ZNF85: variants seen among roughly 807,000 people sequenced by gnomAD.
The protein encoded by ZNF85 is zinc finger protein 85, also known as zinc finger protein 85 (HPF4, HTF1).
ZNF85 carries 50 observed loss-of-function variants against 53.9 expected under a neutral mutation model. The observed-to-expected ratio is 0.93, with a 90% CI of 0.74 to 1.17. The LOEUF (loss-of-function observed/expected upper bound fraction) is 1.17, where lower values mean the gene tolerates loss of function less well. Ranked by LOEUF, ZNF85 falls within the 50% of genes most tolerant of loss-of-function variation. ZNF85 has a pLI of 0.00. For synonymous variants in ZNF85, 225 were observed against 226.1 expected (o/e 1.00, Z 0.04); for missense variants, 747 against 688.5 (o/e 1.08, Z -0.95).
intron 1 of ZNF85, among the ~76,000 whole-genome samples, chr19:20,933,125 G>A (rs1240960201): frequency 4.6e-5 from 7 of 151,380 alleles, no homozygotes; most frequent in African/African-American, 1.7e-4. Flanking sequence ...CCCAGGAGGC[G>A]GAGCTTGCAG....
At chr19:20,926,030 G>A (rs1972872627) in intron 1 of ZNF85, among the ~76,000 whole-genome samples, 1 of 152,098 alleles carries the variant, frequency 6.6e-6, no homozygotes, top group South Asian at 2.1e-4. Context: ...AATTTTCTCA[G>A]GTGTGCTTAT....
In ZNF85 at chr19:20,923,281, A is replaced by T. The variant is rs1972797331; in HGVS notation, c.-120A>T. On this transcript the variant is annotated 5_prime_UTR_variant, in exon 1 of 4. Transcript: ENST00000328178. ...TGTCTCTCGCTGCAGCCTGAGCTCTAGGTCTTGTTTTCCCTGCTTTGTGTT... is the reference window on the plus strand; with the variant it reads ...TGTCTCTCGCTGCAGCCTGAGCTCTTGGTCTTGTTTTCCCTGCTTTGTGTT... 1 of 1,502,866 alleles carries T rather than the reference A, an allele frequency of 6.7e-7. No homozygotes were observed. Among genetic ancestry groups the T allele is most frequent in the Non-Finnish European group, 9.2e-7 (1 of 1,086,406 alleles). 93.1% of individuals were successfully genotyped at this position (1,502,866 alleles called of 1,614,324 possible). A position where few individuals can be genotyped will look rare whatever the true frequency, so the allele number is the denominator to read the frequency against.
At position 20,950,052 on chromosome 19, in the gene ZNF85, A is replaced by C. The variant is rs111503061; in HGVS notation, c.1538A>C (p.Glu513Ala). The C allele has an allele frequency of 8.1e-6, 13 of 1,613,268 alleles. No homozygotes were observed. In the African/African-American group the frequency reaches 1.6e-4, roughly 20 times the overall value. The stretch of plus-strand genomic sequence containing the variant: ...ACTGGAGAGAAACCATACAAATGTG[A>C]AGAATGTGGCAAAGCTTTTAACCAA... ...IHTGEKPYKC[E>A]ECGKAFNQSS... Residue 513 changes from glutamate (E) to alanine (A), a missense_variant, in exon 4 of 4, where the codon GAA (glutamate) becomes GCA (alanine). Physicochemically the swap from Glu to Ala is moderately radical, Grantham distance 107. Transcript: ENST00000328178.
chr19:20,923,330 CTG>C lies in ZNF85; in HGVS notation c.-68_-67del, dbSNP rs2144588316. The stretch of plus-strand genomic sequence containing the variant: ...TTTTCTGCTCGTGGACGCCCAGCCT[CTG>C]TGGCCCTGTGGCCTGCAGGTATTGG... On this transcript the variant is annotated 5_prime_UTR_variant, in exon 1 of 4. Transcript: ENST00000328178. 5 of 1,611,708 alleles carry C rather than the reference CTG, an allele frequency of 3.1e-6. No individual in the cohort carries two copies. The highest frequency in any genetic ancestry group is 4.2e-6 in the Non-Finnish European group (5 of 1,178,140).
At chr19:20,941,251 TTTTGTG>T (rs1233711212) in intron 3 of ZNF85, among the ~76,000 whole-genome samples, 17 of 152,266 alleles carry the variant, frequency 1.1e-4, no homozygotes, top group African/African-American at 4.1e-4. Context: ...AAATTAGTAA[TTTTGTG>T]TTTCCTTTCT....
In ZNF85 at chr19:20,949,930, TA is replaced by T; in HGVS notation, c.1418del (p.Lys473ArgfsTer30). 6.2e-7 allele frequency: 1 copy of T among 1,612,280 alleles called. No homozygotes were observed. The highest frequency in any genetic ancestry group is 8.5e-7 in the Non-Finnish European group (1 of 1,179,154). On this transcript the variant is annotated frameshift_variant, in exon 4 of 4. Transcript: ENST00000328178. LOFTEE classifies it high-confidence loss of function. ...ACCAGTCCTCAAATCTTACTAGACA[TA>T]AGAAAAGTCATACAGAAGAGAAACC... is the stretch of plus-strand genomic sequence containing the variant. Reference protein sequence around the residue: ...FNQSSNLTRHKKSHTEEKPYK... With the variant: ...FNQSSNLTRHXKSHTEEKPYK...
intron 3 of ZNF85, chr19:20,942,858 C>A (rs1334921681): frequency 1.4e-6 from 1 of 698,182 alleles, no homozygotes; most frequent in South Asian, 1.5e-5. Context: ...CCACTGCAGC[C>A]TCAACCTTCT....
At chr19:20,938,277 A>G (rs113192815) in intron 3 of ZNF85, among the ~76,000 whole-genome samples, 1,813 of 152,250 alleles carry the variant, frequency 0.012, 33 homozygotes, top group African/African-American at 0.034. Context: ...ACCATGTTGG[A>G]TAAGCTGATC....
At chr19:20,936,124 C>T (rs909463289) in intron 3 of ZNF85, among the ~76,000 whole-genome samples, 1 of 128,932 alleles carries the variant, frequency 7.8e-6, no homozygotes, top group African/African-American at 2.9e-5. Flanking sequence ...ATATGGAACC[C>T]TAATTTATAC....
At chr19:20,942,175 T>C (rs1254179992) in intron 3 of ZNF85, among the ~76,000 whole-genome samples, 1 of 151,728 alleles carries the variant, frequency 6.6e-6, no homozygotes, top group Non-Finnish European at 1.5e-5. Context: ...ATTAATTTTT[T>C]TTTTTTCCTG....
intron 3 of ZNF85, chr19:20,943,565 T>A (rs1485041454): frequency 1.3e-5 from 2 of 152,214 alleles, no homozygotes; most frequent in African/African-American, 4.8e-5. Flanking sequence ...GCCTTTTTAT[T>A]TATAAATTAT....
At position 20,949,898 on chromosome 19, in the gene ZNF85, G is replaced by C. The variant is rs567190520; in HGVS notation, c.1384G>C (p.Ala462Pro). 6.2e-7 allele frequency: 1 copy of C among 1,612,740 alleles called. No homozygotes were observed. The highest frequency in any genetic ancestry group is 8.5e-7 in the Non-Finnish European group (1 of 1,179,458). ...KPYECEKCGK[A>P]FNQSSNLTRH... is the part of the protein sequence containing the mutation. The stretch of plus-strand genomic sequence containing the variant: ...CTATGAATGTGAAAAATGTGGCAAA[G>C]CTTTTAACCAGTCCTCAAATCTTAC... The change falls in exon 4 of 4, where the codon GCT becomes CCT. Residue 462 changes from alanine (A) to proline (P), a missense_variant. Physicochemically the swap from Ala to Pro is conservative, Grantham distance 27. Transcript: ENST00000328178.
chr19:20,937,659 AT>A (rs1973191215), intron 3 of ZNF85, among the ~76,000 whole-genome samples: 1 of 152,126 alleles, frequency 6.6e-6, no homozygotes, highest in African/African-American at 2.4e-5. Context: ...ACCAGAGAGC[AT>A]TTCTCTGGGA....
chr19:20,948,853 A>G lies in ZNF85; in HGVS notation c.339A>G (p.Pro113=), dbSNP rs749669189. The G allele has an allele frequency of 1.6e-5, 26 of 1,613,114 alleles. No individual in the cohort carries two copies. In the South Asian group the frequency reaches 2.5e-4, roughly 16 times the overall value. The change falls in exon 4 of 4, where the codon CCA becomes CCG. Residue 113 remains proline (P), a synonymous_variant. Coordinates refer to ENST00000328178, the MANE Select transcript of ZNF85 (RefSeq NM_003429.5). The part of the protein sequence containing the change: ...RYGKCRHENL[P]LRKGCESMDE... The stretch of plus-strand genomic sequence containing the variant: ...GAAAATGTAGACATGAAAATTTACC[A>G]TTAAGAAAAGGCTGTGAAAGTATGG...
chr19:20,932,764 G>A (rs368218492), intron 1 of ZNF85, among the ~76,000 whole-genome samples: 97 of 152,224 alleles, frequency 6.4e-4, no homozygotes, highest in African/African-American at 2.3e-3. Context: ...ACAAATTATA[G>A]ACAGGGAAGA....
chr19:20,932,805 A>G (rs1481759023), intron 1 of ZNF85, among the ~76,000 whole-genome samples: 1 of 152,084 alleles, frequency 6.6e-6, no homozygotes, highest in Non-Finnish European at 1.5e-5. Flanking sequence ...CATAAAACTG[A>G]TTTTTTAATG....
chr19:20,950,212 C>T lies in ZNF85; in HGVS notation c.1698C>T (p.Tyr566=). The T allele has an allele frequency of 3.1e-6, 5 of 1,611,250 alleles. No homozygotes were observed. Among genetic ancestry groups the T allele is most frequent in the South Asian group, 1.1e-5 (1 of 90,492 alleles). The change falls in exon 4 of 4, where the codon TAC becomes TAT. Residue 566 remains tyrosine (Y), a synonymous_variant. Coordinates refer to ENST00000328178, the MANE Select transcript of ZNF85 (RefSeq NM_003429.5). ...HKRIHTGEKP[Y]KCEECDKAFK... ...GAATTCATACTGGAGAAAAACCTTA[C>T]AAATGTGAAGAATGTGACAAAGCTT...
At chr19:20,941,769 GTTTTC>G (rs1368870514) in intron 3 of ZNF85, among the ~76,000 whole-genome samples, 3 of 151,954 alleles carry the variant, frequency 2.0e-5, no homozygotes, top group South Asian at 2.1e-4. Context: ...TCTATTGAAT[GTTTTC>G]TTTGATGCGC....
At chr19:20,941,353 G>A (rs1470742564) in intron 3 of ZNF85, among the ~76,000 whole-genome samples, 1 of 152,124 alleles carries the variant, frequency 6.6e-6, no homozygotes, top group Non-Finnish European at 1.5e-5. Context: ...TGCAGCCTCT[G>A]CCTCTGGGGT....
Sources: allele counts gnomAD v4.1 joint callset (sites outside exome capture counted in the v4.1 genomes callset), GRCh38; gene constraint gnomAD v4.1.1; transcripts MANE v1.5; gene names NCBI Gene and HGNC (gene_info 2026-07-23, HGNC 2026-07-21).